The following ANKRD30A variants were observed in gnomAD, a reference collection of about 807,000 sequenced individuals.
The protein encoded by ANKRD30A is ankyrin repeat domain 30A, also known as ankyrin repeat domain-containing protein 30A.
A neutral mutation model predicts 166.3 loss-of-function variants in ANKRD30A; 170 were observed. The ratio of observed to expected loss-of-function variants is 1.02; its 90% confidence interval spans 0.90 to 1.16. The LOEUF is 1.16. Among genes scored for constraint, ANKRD30A ranks in the 50% most tolerant of loss-of-function variants. The probability of loss-of-function intolerance (pLI) is 0.00; values close to 1 mark genes in which losing one functional copy is unlikely to be tolerated. For synonymous variants in ANKRD30A, 564 were observed against 508.9 expected (o/e 1.11, Z -1.46); for missense variants, 1,630 against 1,518.0 (o/e 1.07, Z -1.23).
chr10:37,154,083 T>C (rs775581562), intron 13 of ANKRD30A, among the ~76,000 whole-genome samples: 7 of 152,152 alleles, frequency 4.6e-5, no homozygotes, highest in Non-Finnish European at 1.0e-4. Flanking sequence ...TAAAGTGACC[T>C]TCTAGTATCA....
At chr10:37,258,038 C>T in the ANKRD30A span, among the ~76,000 whole-genome samples, 2 of 152,078 alleles carry the variant, frequency 1.3e-5, no homozygotes. Flanking sequence ...AGCCAGATGA[C>T]AGGTTGATAG....
At chr10:37,133,004 A>C (rs1836469234) in intron 4 of ANKRD30A, among the ~76,000 whole-genome samples, 2 of 144,244 alleles carry the variant, frequency 1.4e-5, no homozygotes, top group African/African-American at 5.0e-5. Context: ...TGTCTCAAAG[A>C]AAAAAAAAAA....
chr10:37,183,870 C>G (rs1328598980), intron 24 of ANKRD30A, among the ~76,000 whole-genome samples: 8 of 148,532 alleles, frequency 5.4e-5, no homozygotes, highest in Non-Finnish European at 9.0e-5. Flanking sequence ...AAATGGTGAC[C>G]GGGTGCGGTG....
chr10:37,246,614 C>T, the ANKRD30A span, among the ~76,000 whole-genome samples: 5 of 152,310 alleles, frequency 3.3e-5, no homozygotes, highest in Non-Finnish European at 5.9e-5. Flanking sequence ...CCTACTTCGG[C>T]CAGGCTAGTA....
chr10:37,230,200 A>C (rs1003910539), intron 34 of ANKRD30A, among the ~76,000 whole-genome samples: 1 of 152,024 alleles, frequency 6.6e-6, no homozygotes, highest in Non-Finnish European at 1.5e-5. Context: ...GAGGAATTAA[A>C]ATTTAGGGAT....
chr10:37,151,666 T>C (rs1837947233), intron 11 of ANKRD30A, among the ~76,000 whole-genome samples: 1 of 152,086 alleles, frequency 6.6e-6, no homozygotes, highest in Non-Finnish European at 1.5e-5. Context: ...TAGAGATTGC[T>C]GAGTCAATCA....
intron 6 of ANKRD30A, among the ~76,000 whole-genome samples, chr10:37,138,514 A>G (rs1340768660): frequency 6.6e-6 from 1 of 152,226 alleles, no homozygotes; most frequent in Non-Finnish European, 1.5e-5. Context: ...AGAATAACCA[A>G]TGCAGAGAAG....
rs71489119 is a variant in ANKRD30A, at chr10:37,190,559, G to C, written c.2512+1002G>C. ...TGTCGAATGGGAAGAATCAAGAGCAGAAGTCTAGTGATTATTTTTGCTAAA... is the reference window on the plus strand; with the variant it reads ...TGTCGAATGGGAAGAATCAAGAGCACAAGTCTAGTGATTATTTTTGCTAAA... On this transcript the variant is annotated intron_variant, in intron 25 of 35. Transcript: ENST00000361713. 9.8e-3 allele frequency among the ~76,000 whole-genome samples: 1,471 copies of C among 150,618 alleles called. 43 individuals are homozygous for C. The highest frequency in any genetic ancestry group is 0.033 in the African/African-American group (1,361 of 41,100).
At chr10:37,184,312 G>T (rs1840258773) in intron 24 of ANKRD30A, 2 of 101,674 alleles carry the variant, frequency 2.0e-5, no homozygotes, top group East Asian at 2.6e-4. Context: ...TGTATGGGAA[G>T]AATTCTACAG....
rs546050115 is a variant in ANKRD30A at position 37,125,862 on chromosome 10, C to G, written c.75C>G (p.Val25=). 6,227 of 1,402,184 alleles carry G rather than the reference C, an allele frequency of 4.4e-3. 22 individuals are homozygous for G. The highest frequency in any genetic ancestry group is 5.3e-3 in the Non-Finnish European group (5,260 of 999,914). The allele number at this position is 1,402,184 out of a possible 1,614,324, so 86.9% of individuals were successfully genotyped here. A position where few individuals can be genotyped will look rare whatever the true frequency, so the allele number is the denominator to read the frequency against. The change falls in exon 1 of 36, where the codon GTC becomes GTG. Residue 25 remains valine (V), a synonymous_variant. Transcript: ENST00000361713. ...GCCCGAGCCCTTTCAGCCAGCTAGT[C>G]TATACCAGCAACGACTCCTACATCG... is the stretch of plus-strand genomic sequence containing the variant. ...PERPSPFSQL[V]YTSNDSYIVH... is the part of the protein sequence containing the mutation.
chr10:37,211,778 C>T (rs922912909), intron 31 of ANKRD30A, among the ~76,000 whole-genome samples: 4 of 152,138 alleles, frequency 2.6e-5, no homozygotes, highest in Admixed American at 2.6e-4. Context: ...TATTTCTCTA[C>T]ATCCTCTCCA....
At chr10:37,242,553 C>T in the ANKRD30A span, among the ~76,000 whole-genome samples, 1 of 152,144 alleles carries the variant, frequency 6.6e-6, no homozygotes, top group South Asian at 2.1e-4. Flanking sequence ...TAGGTTATGA[C>T]TTGTTAATAT....
intron 34 of ANKRD30A, among the ~76,000 whole-genome samples, chr10:37,220,815 A>G (rs1351522516): frequency 6.6e-6 from 1 of 151,194 alleles, no homozygotes; most frequent in Non-Finnish European, 1.5e-5. Flanking sequence ...AAGTGAGTAG[A>G]GAAGAGAAAC....
the ANKRD30A span, among the ~76,000 whole-genome samples, chr10:37,250,426 G>A: frequency 3.3e-5 from 5 of 152,018 alleles, no homozygotes; most frequent in Admixed American, 6.6e-5. Flanking sequence ...TTGGGGATGG[G>A]GATGCCTGAA....
Position 37,191,392 on chromosome 10 carries a change from G to C in ANKRD30A, c.2513-1672G>C, listed in dbSNP as rs561203272. Among the ~76,000 whole-genome samples, 4 of 151,934 alleles carry C rather than the reference G, an allele frequency of 2.6e-5. No homozygotes were observed. The South Asian group carries it at 6.2e-4, about 24-fold the overall frequency. On this transcript the variant is annotated intron_variant, in intron 25 of 35. Transcript: ENST00000361713. ...ATTCAGCTGAACTCTCATCCGAACT[G>C]TGTGGCTTCTCAATGACAGGACATA...
chr10:37,149,357 G>A (rs1218465320), intron 9 of ANKRD30A, among the ~76,000 whole-genome samples: 2 of 152,004 alleles, frequency 1.3e-5, no homozygotes, highest in East Asian at 1.9e-4. Context: ...ACGTGGTGTA[G>A]CATTCCATGT....
chr10:37,251,957 A>G, the ANKRD30A span, among the ~76,000 whole-genome samples: 1 of 152,102 alleles, frequency 6.6e-6, no homozygotes, highest in Non-Finnish European at 1.5e-5. Context: ...TGATCTAAAA[A>G]CTGATTCGAG....
At chr10:37,148,531 AAGGT>A (rs1192643196) in intron 9 of ANKRD30A, among the ~76,000 whole-genome samples, 1 of 151,832 alleles carries the variant, frequency 6.6e-6, no homozygotes, top group Non-Finnish European at 1.5e-5. Context: ...AACAAGAGAG[AAGGT>A]AGGTAGGTAA....
rs545035711 is a variant in ANKRD30A at position 37,129,110 on chromosome 10, C to T, written c.222-783C>T. 2.3e-4 allele frequency among the ~76,000 whole-genome samples: 35 copies of T among 152,198 alleles called. No homozygotes were observed. The South Asian group carries it at 7.3e-3, about 32-fold the overall frequency. On this transcript the variant is annotated intron_variant, in intron 1 of 35. Coordinates refer to ENST00000361713, the MANE Select transcript of ANKRD30A (RefSeq NM_052997.3). ...TGTCTTTATTTCAACTCTCCTTTTG[C>T]GTAGTACTCTTAAAAGCTAACATTT...
Sources: allele counts gnomAD v4.1 joint callset (sites outside exome capture counted in the v4.1 genomes callset), GRCh38; gene constraint gnomAD v4.1.1; transcripts MANE v1.5; gene names NCBI Gene and HGNC (gene_info 2026-07-23, HGNC 2026-07-21).